FBXW7: variants seen among roughly 807,000 people sequenced by gnomAD.
FBXW7 encodes the protein F-box/WD repeat-containing protein 7.
Under a neutral mutation model 86.3 loss-of-function variants are expected in FBXW7, and 11 were observed. The ratio of observed to expected loss-of-function variants is 0.13; its 90% CI spans 0.08 to 0.21. FBXW7 has a LOEUF of 0.21. Ranked by LOEUF, FBXW7 falls within the 10% of genes least tolerant of loss-of-function variation. The pLI, the probability that FBXW7 is intolerant of heterozygous loss-of-function variation, is 1.00. For synonymous variants in FBXW7, 313 were observed against 297.9 expected, an observed-to-expected ratio of 1.05 and a Z score of -0.52; for missense variants, 488 against 847.4, an observed-to-expected ratio of 0.58 and a Z score of 5.27.
rs958045817 is a variant in FBXW7 at position 152,373,900 on chromosome 4, G to C, written c.502-23776C>G. The stretch of plus-strand genomic sequence containing the variant: ...TGCAAAGAAAACCGACAATTACATT[G>C]CTTACTCATGTTGATGCATGATGTG... On this transcript the variant is annotated intron_variant, in intron 4 of 13. Coordinates refer to ENST00000281708, the MANE Select transcript of FBXW7 (RefSeq NM_001349798.2). 3.3e-5 allele frequency among the ~76,000 whole-genome samples: 5 copies of C among 151,974 alleles called. No individual in the cohort carries two copies. In the South Asian group the frequency reaches 1.0e-3, roughly 31 times the overall value.
At chr4:152,483,189 C>G (rs553128826) in intron 2 of FBXW7, among the ~76,000 whole-genome samples, 1 of 152,100 alleles carries the variant, frequency 6.6e-6, no homozygotes, top group South Asian at 2.1e-4. Context: ...TTTGTGTACA[C>G]TCTTTGAATT....
At chr4:152,456,052 A>C (rs1274645446) in intron 2 of FBXW7, among the ~76,000 whole-genome samples, 1 of 152,204 alleles carries the variant, frequency 6.6e-6, no homozygotes, top group East Asian at 1.9e-4. Context: ...AATATAAAAG[A>C]AAAACTATAA....
chr4:152,432,635 C>T (rs1740013764), intron 2 of FBXW7, among the ~76,000 whole-genome samples: 1 of 151,864 alleles, frequency 6.6e-6, no homozygotes, highest in African/African-American at 2.4e-5. Flanking sequence ...AGTGAACCCC[C>T]ATCTCTACTA....
intron 2 of FBXW7, among the ~76,000 whole-genome samples, chr4:152,500,558 G>C (rs1746843717): frequency 7.0e-6 from 1 of 143,510 alleles, no homozygotes; most frequent in African/African-American, 2.6e-5. Flanking sequence ...TCTTCCCATT[G>C]TGACTGCAAA....
chr4:152,475,959 G>C (rs1165785207), intron 2 of FBXW7, among the ~76,000 whole-genome samples: 2 of 152,106 alleles, frequency 1.3e-5, no homozygotes, highest in Non-Finnish European at 2.9e-5. Context: ...AAATCTCAAA[G>C]TATCTTTGTA....
intron 2 of FBXW7, among the ~76,000 whole-genome samples, chr4:152,454,306 AGGT>A (rs1185591845): frequency 1.9e-4 from 22 of 118,374 alleles, no homozygotes; most frequent in Non-Finnish European, 9.7e-5. Flanking sequence ...AAACCATGTT[AGGT>A]GTCTCATATT....
At chr4:152,490,219 G>A (rs1012435974) in intron 2 of FBXW7, among the ~76,000 whole-genome samples, 5 of 151,970 alleles carry the variant, frequency 3.3e-5, no homozygotes, top group African/African-American at 7.3e-5. Context: ...TTTTATTTGC[G>A]ATGATGAAAA....
intron 2 of FBXW7, among the ~76,000 whole-genome samples, chr4:152,465,605 G>A (rs2149640055): frequency 6.6e-6 from 1 of 152,178 alleles, no homozygotes; most frequent in South Asian, 2.1e-4. Flanking sequence ...AGCACTTTGG[G>A]AGGCCAAAGT....
chr4:152,475,764 C>T (rs1744339780), intron 2 of FBXW7, among the ~76,000 whole-genome samples: 1 of 152,066 alleles, frequency 6.6e-6, no homozygotes, highest in Non-Finnish European at 1.5e-5. Context: ...ACAATAGCAT[C>T]TGGAAAAGAT....
At chr4:152,489,601 G>T (rs545687291) in intron 2 of FBXW7, among the ~76,000 whole-genome samples, 1 of 152,168 alleles carries the variant, frequency 6.6e-6, no homozygotes, top group South Asian at 2.1e-4. Context: ...AAAGTATTGG[G>T]AAAATATCAG....
At chr4:152,327,498 TAGGAGGGCTTTAC>T (rs1387964735) in intron 11 of FBXW7, among the ~76,000 whole-genome samples, 1 of 151,944 alleles carries the variant, frequency 6.6e-6, no homozygotes, top group Non-Finnish European at 1.5e-5. Flanking sequence ...AGGATTTTAA[TAGGAGGGCTTTAC>T]AGGAGGAGAT....
intron 4 of FBXW7, chr4:152,352,390 T>C (rs1731897953): frequency 1.3e-6 from 2 of 1,571,040 alleles, no homozygotes; most frequent in Middle Eastern, 2.0e-4. Context: ...ACTGCAGCCA[T>C]CTCTGATGAT....
intron 2 of FBXW7, among the ~76,000 whole-genome samples, chr4:152,441,278 TCTC>T (rs1390404064): frequency 6.6e-6 from 1 of 152,136 alleles, no homozygotes; most frequent in Non-Finnish European, 1.5e-5. Flanking sequence ...AAAAATGTAA[TCTC>T]CATCATTTCT....
At chr4:152,461,534 T>C (rs1742944197) in intron 2 of FBXW7, among the ~76,000 whole-genome samples, 1 of 152,210 alleles carries the variant, frequency 6.6e-6, no homozygotes, top group African/African-American at 2.4e-5. Flanking sequence ...CTTTAATCCT[T>C]TGAACATAGG....
At chr4:152,460,134 G>C (rs1325683296) in intron 2 of FBXW7, among the ~76,000 whole-genome samples, 1 of 152,062 alleles carries the variant, frequency 6.6e-6, no homozygotes, top group South Asian at 2.1e-4. Flanking sequence ...ATTTTATTTT[G>C]TACATATTTT....
Position 152,328,203 on chromosome 4 carries a change from C to A in FBXW7, c.1418+5G>T. 1 of 1,581,916 alleles carries A rather than the reference C, an allele frequency of 6.3e-7. No individual in the cohort carries two copies. The highest frequency in any genetic ancestry group is 1.8e-5 in the Admixed American group (1 of 54,614). Reference sequence around the variant, plus strand: ...AGTCCCAACCATGACAAGATTTTCCCTTACCTTTTTTCATGAAGATGCATA... The same window carrying A: ...AGTCCCAACCATGACAAGATTTTCCATTACCTTTTTTCATGAAGATGCATA... On this transcript the variant is annotated splice_donor_5th_base_variant and intron_variant, in intron 11 of 13. Transcript: ENST00000281708.
At chr4:152,492,043 A>G (rs769320021) in intron 2 of FBXW7, among the ~76,000 whole-genome samples, 2 of 152,178 alleles carry the variant, frequency 1.3e-5, no homozygotes, top group African/African-American at 2.4e-5. Context: ...TCCCAGTTGA[A>G]TATCACCATT....
intron 4 of FBXW7, chr4:152,382,287 C>G: frequency 6.2e-7 from 1 of 1,600,966 alleles, no homozygotes; most frequent in Non-Finnish European, 8.5e-7. Context: ...CTTTTAAGAT[C>G]AACAGGAACC....
chr4:152,425,265 C>T (rs1370830557), intron 2 of FBXW7, among the ~76,000 whole-genome samples: 1 of 152,204 alleles, frequency 6.6e-6, no homozygotes, highest in Admixed American at 6.5e-5. Flanking sequence ...CTCTCTTGAG[C>T]CTCATCTCTG....
Sources: allele counts gnomAD v4.1 joint callset (sites outside exome capture counted in the v4.1 genomes callset), GRCh38; gene constraint gnomAD v4.1.1; transcripts MANE v1.5; gene names NCBI Gene and HGNC (gene_info 2026-07-23, HGNC 2026-07-21).